Variants in STT3B observed in about 807,000 individuals in gnomAD.
STT3B encodes the protein dolichyl-diphosphooligosaccharide--protein glycosyltransferase subunit STT3B.
Under a neutral mutation model 96.8 loss-of-function variants are expected in STT3B, and 29 were observed. That is an observed-to-expected ratio of 0.30 (90% CI 0.22 to 0.41). STT3B has a LOEUF of 0.41. STT3B is among the 10% of genes least tolerant of loss of function. STT3B has a pLI of 1.00. For missense variants in STT3B, 640 were observed against 1,022.3 expected, an observed-to-expected ratio of 0.63 and a Z score of 5.10; for synonymous variants, 367 against 360.0, an observed-to-expected ratio of 1.02 and a Z score of -0.22.
At chr3:31,573,178 G>C (rs764639364) in intron 1 of STT3B, among the ~76,000 whole-genome samples, 1 of 152,128 alleles carries the variant, frequency 6.6e-6, no homozygotes, top group Non-Finnish European at 1.5e-5. Flanking sequence ...TGTGAGATGA[G>C]ACTAGAGTTA....
At chr3:31,558,537 A>AC (rs1253466986) in intron 1 of STT3B, among the ~76,000 whole-genome samples, 1 of 152,122 alleles carries the variant, frequency 6.6e-6, no homozygotes, top group Non-Finnish European at 1.5e-5. Flanking sequence ...CCTGGTATAA[A>AC]CCCATTTCAT....
intron 1 of STT3B, among the ~76,000 whole-genome samples, chr3:31,548,053 G>C (rs936556867): frequency 2.0e-5 from 3 of 152,138 alleles, no homozygotes; most frequent in African/African-American, 7.2e-5. Flanking sequence ...GTAATGTTTG[G>C]TCATTTACCT....
At chr3:31,551,821 T>TG (rs1265096851) in intron 1 of STT3B, among the ~76,000 whole-genome samples, 1 of 152,214 alleles carries the variant, frequency 6.6e-6, no homozygotes, top group African/African-American at 2.4e-5. Flanking sequence ...CCAGTAGACT[T>TG]GCACCAGAGA....
chr3:31,565,385 A>T (rs1003074814), intron 1 of STT3B, among the ~76,000 whole-genome samples: 1 of 152,194 alleles, frequency 6.6e-6, no homozygotes, highest in Non-Finnish European at 1.5e-5. Flanking sequence ...TGATCAGAGG[A>T]GGGATTGAGA....
chr3:31,632,734 C>A (rs1699689451), intron 14 of STT3B, among the ~76,000 whole-genome samples: 1 of 150,006 alleles, frequency 6.7e-6, no homozygotes, highest in African/African-American at 2.5e-5. Context: ...GAAATTCTTA[C>A]TCTGATGTAC....
At chr3:31,628,572 C>G (rs1343246296) in intron 13 of STT3B, among the ~76,000 whole-genome samples, 1 of 152,082 alleles carries the variant, frequency 6.6e-6, no homozygotes, top group Non-Finnish European at 1.5e-5. Flanking sequence ...TCAGAAATTA[C>G]ATTTTTTACC....
intron 14 of STT3B, among the ~76,000 whole-genome samples, chr3:31,630,004 T>G (rs1464926427): frequency 6.6e-6 from 1 of 152,206 alleles, no homozygotes; most frequent in South Asian, 2.1e-4. Flanking sequence ...TCGATCAGGT[T>G]CTGTCAAGTC....
chr3:31,562,123 GC>G (rs1697894457), intron 1 of STT3B, among the ~76,000 whole-genome samples: 1 of 152,132 alleles, frequency 6.6e-6, no homozygotes, highest in African/African-American at 2.4e-5. Context: ...CCTCCAGGTG[GC>G]CTGCTTAGGT....
intron 13 of STT3B, 38 bp from the exon 14 acceptor site, chr3:31,629,260 C>A: frequency 8.8e-7 from 1 of 1,139,026 alleles, no homozygotes; most frequent in Non-Finnish European, 1.3e-6. Context: ...AATATGTTAA[C>A]TTGAACTAAC....
At chr3:31,622,913 T>G (rs1177018214) in intron 10 of STT3B, among the ~76,000 whole-genome samples, 2 of 152,222 alleles carry the variant, frequency 1.3e-5, no homozygotes, top group Non-Finnish European at 2.9e-5. Flanking sequence ...TATTAAACTT[T>G]GCTATTTGAA....
chr3:31,559,442 A>G (rs1246387076), intron 1 of STT3B, among the ~76,000 whole-genome samples: 1 of 150,936 alleles, frequency 6.6e-6, no homozygotes, highest in African/African-American at 2.4e-5. Flanking sequence ...TTCTCCTTTA[A>G]AATTTTTTCC....
intron 15 of STT3B, among the ~76,000 whole-genome samples, chr3:31,633,858 A>G (rs1699711074): frequency 6.6e-6 from 1 of 152,142 alleles, no homozygotes; most frequent in African/African-American, 2.4e-5. Context: ...ATTATAAGGT[A>G]CTATCCTTAT....
intron 3 of STT3B, among the ~76,000 whole-genome samples, chr3:31,588,738 C>T (rs1575428230): frequency 6.6e-6 from 1 of 152,008 alleles, no homozygotes; most frequent in East Asian, 1.9e-4. Context: ...ATGTGGTTGT[C>T]CAGCTGTTAC....
intron 5 of STT3B, among the ~76,000 whole-genome samples, chr3:31,608,999 C>T (rs1699121344): frequency 6.6e-6 from 1 of 152,100 alleles, no homozygotes; most frequent in African/African-American, 2.4e-5. Flanking sequence ...CCTGTAGTCC[C>T]AGCTACTCAG....
At chr3:31,622,679 C>T (rs9681121) in intron 10 of STT3B, among the ~76,000 whole-genome samples, 36,493 of 152,040 alleles carry the variant, frequency 0.24, 4,722 homozygotes, top group African/African-American at 0.34. Flanking sequence ...AGGTGCTTAT[C>T]CTTGAGGTCC....
At chr3:31,585,573 T>G (rs967449637) in intron 3 of STT3B, among the ~76,000 whole-genome samples, 1 of 147,816 alleles carries the variant, frequency 6.8e-6, no homozygotes, top group Admixed American at 6.6e-5. Context: ...TTTGTTTTGT[T>G]TTTTGTTTTG....
chr3:31,562,157 A>G (rs954768572), intron 1 of STT3B, among the ~76,000 whole-genome samples: 2 of 152,128 alleles, frequency 1.3e-5, no homozygotes, highest in Non-Finnish European at 2.9e-5. Flanking sequence ...GTGGTGGGTC[A>G]TGCAGGGGAG....
At chr3:31,548,975 A>G (rs1194401801) in intron 1 of STT3B, among the ~76,000 whole-genome samples, 1 of 152,176 alleles carries the variant, frequency 6.6e-6, no homozygotes, top group Non-Finnish European at 1.5e-5. Context: ...GAAGTTGTTC[A>G]GTTAACTGTT....
intron 1 of STT3B, 31 bp downstream of exon 1, chr3:31,533,343 TGGCCCGC>T: frequency 3.4e-6 from 5 of 1,477,732 alleles, no homozygotes; most frequent in Non-Finnish European, 3.6e-6. Flanking sequence ...CCCCCGCCCG[TGGCCCGC>T]GGGGAACCGG....
Sources: gnomAD v4.1 joint callset for allele counts (sites outside exome capture counted in the v4.1 genomes callset) on GRCh38, gnomAD v4.1.1 for gene constraint, MANE v1.5 for transcripts, NCBI Gene and HGNC (gene_info 2026-07-23, HGNC 2026-07-21) for gene names.